BRINP3: variants seen among roughly 807,000 people sequenced by gnomAD.
BRINP3 encodes BMP/retinoic acid inducible neural specific 3.
BRINP3 carries 19 observed loss-of-function variants against 71.0 expected under a neutral mutation model. That is an observed-to-expected ratio of 0.27 (90% confidence interval 0.19 to 0.39). The LOEUF is 0.39. BRINP3 is among the 10% of genes least tolerant of loss of function. The pLI is 1.00. For missense variants in BRINP3, 959 were observed against 940.8 expected (o/e 1.02, Z -0.25); for synonymous variants, 380 against 337.7 (o/e 1.13, Z -1.37).
At chr1:190,226,042 G>A (rs1305826257) in intron 6 of BRINP3, 40 bp downstream of exon 6, 3 of 1,266,702 alleles carry the variant, frequency 2.4e-6, no homozygotes. Context: ...TATATTTTTT[G>A]TCAATATTTA....
At chr1:190,408,334 G>A (rs1017312614) in intron 2 of BRINP3, among the ~76,000 whole-genome samples, 14 of 151,866 alleles carry the variant, frequency 9.2e-5, no homozygotes, top group African/African-American at 3.4e-4. Flanking sequence ...GTGAGCCACC[G>A]CATCCGGCCT....
At chr1:190,187,149 T>A (rs373295573) in intron 6 of BRINP3, among the ~76,000 whole-genome samples, 2 of 152,200 alleles carry the variant, frequency 1.3e-5, no homozygotes, top group Non-Finnish European at 2.9e-5. Context: ...TTAATTCATA[T>A]GCCTATTGGC....
intron 2 of BRINP3, among the ~76,000 whole-genome samples, chr1:190,353,517 T>G (rs2102062718): frequency 6.6e-6 from 1 of 152,174 alleles, no homozygotes; most frequent in East Asian, 1.9e-4. Flanking sequence ...AAAATTAAAC[T>G]CTGTTTTTAA....
At chr1:190,254,921 T>G (rs1226113115) in intron 4 of BRINP3, among the ~76,000 whole-genome samples, 5 of 152,144 alleles carry the variant, frequency 3.3e-5, no homozygotes, top group African/African-American at 1.2e-4. Context: ...CATAAATAAC[T>G]CTTATTATTT....
At chr1:190,262,611 A>G (rs1272720631) in intron 4 of BRINP3, among the ~76,000 whole-genome samples, 1 of 152,090 alleles carries the variant, frequency 6.6e-6, no homozygotes, top group Non-Finnish European at 1.5e-5. Context: ...AATCATTTTT[A>G]TTATGAGCAC....
intron 6 of BRINP3, among the ~76,000 whole-genome samples, chr1:190,165,459 TTTGTGTG>T (rs1651429961): frequency 2.8e-5 from 3 of 108,380 alleles, no homozygotes; most frequent in Non-Finnish European, 5.8e-5. Context: ...TTTTTTTTTT[TTTGTGTG>T]TGTGTGTGTG....
At chr1:190,118,980 T>G (rs1653388470) in intron 7 of BRINP3, among the ~76,000 whole-genome samples, 1 of 152,162 alleles carries the variant, frequency 6.6e-6, no homozygotes, top group Non-Finnish European at 1.5e-5. Flanking sequence ...GTTTGCTCAA[T>G]TGTGGGAAAA....
chr1:190,203,845 A>T (rs1157896943), intron 6 of BRINP3, among the ~76,000 whole-genome samples: 1 of 129,212 alleles, frequency 7.7e-6, no homozygotes, highest in Non-Finnish European at 1.6e-5. Context: ...TTGGCATTTT[A>T]TCTATTGTGT....
intron 2 of BRINP3, among the ~76,000 whole-genome samples, chr1:190,346,015 T>C (rs1668000875): frequency 6.6e-6 from 1 of 151,892 alleles, no homozygotes; most frequent in South Asian, 2.1e-4. Flanking sequence ...TTAGATAAAA[T>C]GGAAAATAGT....
chr1:190,313,943 G>A lies in BRINP3; in HGVS notation c.237-32193C>T, dbSNP rs1000669901. ...AAAAACTACAAATAGGTATTTTAAT[G>A]TCTTGACTAATCTTTCATACATCAA... On this transcript the variant is annotated intron_variant, in intron 2 of 7. Coordinates refer to ENST00000367462, the MANE Select transcript of BRINP3 (RefSeq NM_199051.3). Among the ~76,000 whole-genome samples, 3 of 152,062 alleles carry A rather than the reference G, an allele frequency of 2.0e-5. No individual in the cohort carries two copies. In the South Asian group the frequency reaches 6.2e-4, roughly 31 times the overall value.
intron 7 of BRINP3, among the ~76,000 whole-genome samples, chr1:190,144,220 T>A (rs563984634): frequency 2.0e-5 from 3 of 152,026 alleles, no homozygotes; most frequent in Non-Finnish European, 4.4e-5. Flanking sequence ...TTCACTAAAC[T>A]GGCTCATAGC....
chr1:190,354,060 C>G (rs1668573605), intron 2 of BRINP3, among the ~76,000 whole-genome samples: 1 of 151,950 alleles, frequency 6.6e-6, no homozygotes, highest in Admixed American at 6.6e-5. Context: ...CTTACTGATC[C>G]AGTCTCATTT....
Position 190,252,037 on chromosome 1 carries a change from C to T in BRINP3, c.618+12828G>A, listed in dbSNP as rs564489122. The stretch of plus-strand genomic sequence containing the variant: ...CTCTACTAAAGATTTGTCAGATACA[C>T]TATAACACAGATTTAATCAAAAGTC... On this transcript the variant is annotated intron_variant, in intron 4 of 7. Transcript: ENST00000367462. 1.2e-4 allele frequency among the ~76,000 whole-genome samples: 18 copies of T among 152,156 alleles called. No individual in the cohort carries two copies. In the South Asian group the frequency reaches 3.7e-3, roughly 32 times the overall value.
chr1:190,472,434 TA>T (rs1677197731), intron 1 of BRINP3, among the ~76,000 whole-genome samples: 1 of 151,764 alleles, frequency 6.6e-6, no homozygotes, highest in African/African-American at 2.4e-5. Context: ...ATCTTTGGGA[TA>T]TTTTTCAAGA....
intron 5 of BRINP3, among the ~76,000 whole-genome samples, chr1:190,230,704 T>C (rs866103847): frequency 8.6e-5 from 13 of 151,782 alleles, no homozygotes; most frequent in Non-Finnish European, 1.8e-4. Flanking sequence ...TATGAGTTTT[T>C]AGTAATGACC....
chr1:190,412,439 T>G (rs1672737098), intron 2 of BRINP3, among the ~76,000 whole-genome samples: 1 of 139,658 alleles, frequency 7.2e-6, no homozygotes, highest in South Asian at 2.3e-4. Flanking sequence ...TATGTAGTAC[T>G]TTTTTTGTTT....
chr1:190,282,782 A>T (rs1571624393), intron 2 of BRINP3, among the ~76,000 whole-genome samples: 1 of 151,958 alleles, frequency 6.6e-6, no homozygotes, highest in East Asian at 1.9e-4. Flanking sequence ...AAAGACAGAA[A>T]ATTAAATTTT....
intron 2 of BRINP3, among the ~76,000 whole-genome samples, chr1:190,295,969 C>A (rs1349470179): frequency 6.6e-6 from 1 of 151,676 alleles, no homozygotes; most frequent in Non-Finnish European, 1.5e-5. Flanking sequence ...ATGTAATGTA[C>A]CTGCAAGGTA....
chr1:190,270,118 C>A (rs1167232259), intron 3 of BRINP3, among the ~76,000 whole-genome samples: 1 of 151,514 alleles, frequency 6.6e-6, no homozygotes, highest in Non-Finnish European at 1.5e-5. Context: ...AGGGTAGATA[C>A]AAGTATAAAG....
Sources: gnomAD v4.1 joint callset for allele counts (sites outside exome capture counted in the v4.1 genomes callset) on GRCh38, gnomAD v4.1.1 for gene constraint, MANE v1.5 for transcripts, NCBI Gene and HGNC (gene_info 2026-07-23, HGNC 2026-07-21) for gene names.